Variants in AFDN observed in about 807,000 individuals in gnomAD.
AFDN encodes afadin, adherens junction formation factor, also known as afadin.
AFDN carries 68 observed loss-of-function variants against 216.6 expected under a neutral mutation model. The observed-to-expected ratio is 0.31, with a 90% CI of 0.26 to 0.38. AFDN has a LOEUF of 0.38. AFDN is among the 10% of genes least tolerant of loss of function. AFDN has a pLI of 1.00. For synonymous variants in AFDN, 868 were observed against 853.7 expected, an observed-to-expected ratio of 1.02 and a Z score of -0.29; for missense variants, 2,136 against 2,342.0, an observed-to-expected ratio of 0.91 and a Z score of 1.82.
intron 14 of AFDN, 40 bp from the exon 15 acceptor site, chr6:167,911,244 C>G: frequency 8.1e-6 from 13 of 1,602,510 alleles, no homozygotes; most frequent in Non-Finnish European, 1.0e-5. Context: ...CGTTTTTATT[C>G]TTTTTTCCTT....
intron 30 of AFDN, chr6:167,952,587 T>A (rs1426694304): frequency 2.7e-6 from 2 of 745,626 alleles, no homozygotes; most frequent in Admixed American, 6.3e-5. Flanking sequence ...CCACGGGGTC[T>A]CTGGCAACCC....
chr6:167,845,867 A>C (rs143866807), intron 1 of AFDN, among the ~76,000 whole-genome samples: 2,280 of 152,342 alleles, frequency 0.015, 24 homozygotes, highest in Middle Eastern at 0.024. Context: ...AATCAGTTCC[A>C]CATGGCTGGG....
At chr6:167,844,177 A>AGTGTGTGTGT (rs71004173) in intron 1 of AFDN, among the ~76,000 whole-genome samples, 179 of 141,792 alleles carry the variant, frequency 1.3e-3, no homozygotes, top group African/African-American at 4.4e-3. Context: ...TCAAAAATGA[A>AGTGTGTGTGT]GTGTGTGTGT....
At chr6:167,959,723 A>G (rs2128733876) in intron 30 of AFDN, among the ~76,000 whole-genome samples, 1 of 152,368 alleles carries the variant, frequency 6.6e-6, no homozygotes, top group Non-Finnish European at 1.5e-5. Context: ...ATATATGTAT[A>G]TAAAACCTGA....
At chr6:167,913,267 G>A in intron 15 of AFDN, 136 bp from the exon 16 acceptor site, 1 of 820,306 alleles carries the variant, frequency 1.2e-6, no homozygotes, top group South Asian at 1.6e-5. Context: ...ATGTTATTTT[G>A]GGAATAACAT....
In AFDN at chr6:167,907,228, G is replaced by A. The variant is rs1476031725; in HGVS notation, c.1708G>A (p.Gly570Arg). The change falls in exon 13 of 34, where the codon GGA (glycine) becomes AGA (arginine). Residue 570 changes from glycine to arginine, a missense_variant. This residue lies in a region of AFDN where 817 missense variants were observed against 965.7 expected (regional missense o/e 0.85). Transcript: ENST00000683244. ...VSSASSTAER[G>R]MVKPMIRVEQ... ...GTCTGCCTCTAGCACAGCCGAGCGG[G>A]GAATGGTGAAGCCGATGATCAGAGT... The A allele has an allele frequency of 6.2e-7, 1 of 1,614,182 alleles. No homozygotes were observed. The highest frequency in any genetic ancestry group is 1.7e-5 in the Admixed American group (1 of 60,020).
chr6:167,849,167 AT>A (rs1311048767), intron 1 of AFDN, among the ~76,000 whole-genome samples: 3 of 152,228 alleles, frequency 2.0e-5, no homozygotes, highest in Non-Finnish European at 4.4e-5. Flanking sequence ...TAGATAACGC[AT>A]AAAAAGTACT....
In AFDN at chr6:167,920,401, C is replaced by T. The variant is rs373835725; in HGVS notation, c.2908+1468C>T. Among the ~76,000 whole-genome samples, 7 of 152,310 alleles carry T rather than the reference C, an allele frequency of 4.6e-5. No homozygotes were observed. In the East Asian group the frequency reaches 1.4e-3, roughly 29 times the overall value. On this transcript the variant is annotated intron_variant, in intron 21 of 33. Transcript: ENST00000683244. The stretch of plus-strand genomic sequence containing the variant: ...CAGCACAGCTTCCAAGCGGCAGGCA[C>T]TCGGCCACCACGGGACTGCTGAGAA...
chr6:167,951,068 A>G lies in AFDN; in HGVS notation c.3832-118A>G. 7.2e-7 allele frequency: 1 copy of G among 1,392,200 alleles called. No homozygotes were observed. The highest frequency in any genetic ancestry group is 9.4e-7 in the Non-Finnish European group (1 of 1,063,396). The allele number at this position is 1,392,200 out of a possible 1,614,324, so 86.2% of individuals were successfully genotyped here. A position where few individuals can be genotyped will look rare whatever the true frequency, so the allele number is the denominator to read the frequency against. ...CCAATGAGCCTTGTAGGGCAGTCTC[A>G]GTCTCTTTCTGTACACTGATTTAAC... On this transcript the variant is annotated intron_variant, in intron 29 of 33. Transcript: ENST00000683244. The surrounding 1 kb of genome is among the most constrained non-coding windows in gnomAD (Gnocchi z 7.1).
chr6:167,914,772 C>T (rs759749279), intron 18 of AFDN, 34 bp downstream of exon 18: 24 of 1,432,422 alleles, frequency 1.7e-5, no homozygotes, highest in South Asian at 3.5e-5. Flanking sequence ...CCCTCTATCC[C>T]GCTTCCTTCA....
chr6:167,838,789 A>AG (rs1476769540), intron 1 of AFDN, among the ~76,000 whole-genome samples: 2 of 152,172 alleles, frequency 1.3e-5, no homozygotes, highest in African/African-American at 4.8e-5. Context: ...GTTTCTAGGT[A>AG]GGAAGTTAGG....
At chr6:167,960,775 A>G (rs996190617) in intron 30 of AFDN, among the ~76,000 whole-genome samples, 1 of 152,106 alleles carries the variant, frequency 6.6e-6, no homozygotes, top group African/African-American at 2.4e-5. Flanking sequence ...TGTCAACTCA[A>G]GGGCAAGGCG....
intron 8 of AFDN, among the ~76,000 whole-genome samples, chr6:167,892,287 A>T (rs941825775): frequency 6.6e-5 from 10 of 152,154 alleles, no homozygotes; most frequent in Non-Finnish European, 1.3e-4. Flanking sequence ...TTATTATCTC[A>T]CTGTAGTTTG....
At chr6:167,833,136 G>T (rs1261225011) in intron 1 of AFDN, among the ~76,000 whole-genome samples, 3 of 152,202 alleles carry the variant, frequency 2.0e-5, no homozygotes, top group African/African-American at 7.2e-5. Context: ...AGAATATTCA[G>T]ACTTTTTTGT....
chr6:167,863,784 T>C (rs541842469), intron 1 of AFDN: 38 of 518,818 alleles, frequency 7.3e-5, no homozygotes, highest in South Asian at 5.0e-4. Flanking sequence ...GGAATACCAA[T>C]GTGCTTTTTC....
chr6:167,889,282 A>G lies in AFDN; in HGVS notation c.965A>G (p.Asp322Gly). Reference sequence around the variant, plus strand: ...GCTAAAGAAATTATTCTTGATGATGATGAGTGTCCTTTACAAATCTTCAGG... The same window carrying G: ...GCTAAAGAAATTATTCTTGATGATGGTGAGTGTCCTTTACAAATCTTCAGG... ...KGAKEIILDD[D>G]ECPLQIFREW... Residue 322 changes from aspartate (D) to glycine (G), a missense_variant, in exon 7 of 34, where the codon GAT becomes GGT. Coordinates refer to ENST00000683244, the MANE Select transcript of AFDN (RefSeq NM_001386888.1). The G allele has an allele frequency of 6.2e-7, 1 of 1,614,048 alleles. No individual in the cohort carries two copies.
intron 26 of AFDN, among the ~76,000 whole-genome samples, chr6:167,945,311 G>A (rs1323559608): frequency 1.3e-5 from 2 of 152,172 alleles, no homozygotes; most frequent in African/African-American, 4.8e-5. Context: ...TTCAGGGGCA[G>A]TGACATGCCA....
intron 31 of AFDN, chr6:167,963,550 C>G (rs763201819): frequency 6.2e-5 from 66 of 1,057,444 alleles, no homozygotes; most frequent in Admixed American, 3.8e-4. Flanking sequence ...ACAGAACAAT[C>G]TAAGAGTAAG....
chr6:167,902,582 A>C (rs1224008147), intron 12 of AFDN, among the ~76,000 whole-genome samples, 196 bp downstream of exon 12: 2 of 152,330 alleles, frequency 1.3e-5, no homozygotes, highest in East Asian at 3.9e-4. Flanking sequence ...ACCTGTGATA[A>C]AGTTTAATTT....
Sources: allele counts gnomAD v4.1 joint callset (sites outside exome capture counted in the v4.1 genomes callset), GRCh38; gene constraint gnomAD v4.1.1; regional missense constraint gnomAD v4.1.1; non-coding constraint Gnocchi (gnomAD v3.1); transcripts MANE v1.5; gene names NCBI Gene and HGNC (gene_info 2026-07-23, HGNC 2026-07-21).